The following SLC35F3 variants were observed in gnomAD, a reference collection of about 807,000 sequenced individuals.
The protein encoded by SLC35F3 is solute carrier family 35 member F3.
A neutral mutation model predicts 49.9 loss-of-function variants in SLC35F3; 25 were observed. That is an observed-to-expected ratio of 0.50 (90% CI 0.37 to 0.70). The LOEUF is 0.70. SLC35F3 is among the 30% of genes least tolerant of loss of function. The pLI, the probability that SLC35F3 is intolerant of heterozygous loss-of-function variation, is 0.00. For missense variants in SLC35F3, 525 were observed against 639.8 expected (o/e 0.82, Z 1.94); for synonymous variants, 275 against 265.4 (o/e 1.04, Z -0.35).
At chr1:234,110,438 T>C (rs1665389432) in intron 2 of SLC35F3, among the ~76,000 whole-genome samples, 1 of 152,184 alleles carries the variant, frequency 6.6e-6, no homozygotes, top group East Asian at 1.9e-4. Flanking sequence ...GCAGAGGCCA[T>C]TAAGATTTTG....
At chr1:234,299,804 CAA>C (rs36039526) in intron 3 of SLC35F3, among the ~76,000 whole-genome samples, 16 of 84,660 alleles carry the variant, frequency 1.9e-4, no homozygotes, top group African/African-American at 6.7e-4. Flanking sequence ...GACTCCATCT[CAA>C]AAAAAAAAAA....
At chr1:234,103,189 G>A (rs1317076730) in intron 2 of SLC35F3, among the ~76,000 whole-genome samples, 2 of 152,156 alleles carry the variant, frequency 1.3e-5, no homozygotes. Context: ...AGTGTGTTAA[G>A]GTGCAGCTGC....
intron 2 of SLC35F3, among the ~76,000 whole-genome samples, chr1:233,938,310 T>C (rs1662365303): frequency 6.6e-6 from 1 of 152,176 alleles, no homozygotes; most frequent in African/African-American, 2.4e-5. Flanking sequence ...GTCTTCATTG[T>C]ACTGGCTTAA....
At chr1:234,160,828 A>G (rs186126217) in intron 2 of SLC35F3, among the ~76,000 whole-genome samples, 9 of 152,354 alleles carry the variant, frequency 5.9e-5, no homozygotes, top group South Asian at 2.1e-4. Flanking sequence ...TGTACATGTC[A>G]TGCATATTGG....
intron 3 of SLC35F3, among the ~76,000 whole-genome samples, chr1:234,248,565 TTTTG>T (rs1667684491): frequency 1.3e-5 from 2 of 151,820 alleles, no homozygotes; most frequent in Non-Finnish European, 1.5e-5. Flanking sequence ...GCTGGTTCAT[TTTTG>T]GTTTCAGGGG....
rs529768590 is a variant in SLC35F3 at position 234,317,043 on chromosome 1, G to A, written c.954+316G>A. Among the ~76,000 whole-genome samples the A allele has an allele frequency of 3.9e-5, 6 of 152,274 alleles. No homozygotes were observed. The South Asian group carries it at 1.0e-3, about 26-fold the overall frequency. On this transcript the variant is annotated intron_variant, in intron 5 of 7. Transcript: ENST00000366618. ...GATTCCTGACATCATTGATGGCAGC[G>A]AACAAGTTCAGTGTTTGCTCAGATC... is the stretch of plus-strand genomic sequence containing the variant.
At chr1:234,241,891 C>T (rs921618785) in intron 3 of SLC35F3, among the ~76,000 whole-genome samples, 2 of 152,070 alleles carry the variant, frequency 1.3e-5, no homozygotes, top group Non-Finnish European at 2.9e-5. Flanking sequence ...AATGATTACC[C>T]GAGTGGTGAT....
chr1:234,159,194 C>T (rs1666193232), intron 2 of SLC35F3, among the ~76,000 whole-genome samples: 1 of 152,134 alleles, frequency 6.6e-6, no homozygotes, highest in Non-Finnish European at 1.5e-5. Flanking sequence ...GAGACCTAAA[C>T]CCACGCATGC....
At chr1:234,137,747 C>T (rs373334437) in intron 2 of SLC35F3, among the ~76,000 whole-genome samples, 3 of 152,294 alleles carry the variant, frequency 2.0e-5, no homozygotes, top group East Asian at 1.9e-4. Context: ...AAAGCAGGAG[C>T]ACATGTCGCA....
intron 2 of SLC35F3, among the ~76,000 whole-genome samples, chr1:233,976,133 T>C (rs1407948539): frequency 6.6e-6 from 1 of 152,176 alleles, no homozygotes; most frequent in Non-Finnish European, 1.5e-5. Context: ...AGGAGACAAA[T>C]TTTTAAGAAA....
chr1:234,209,518 G>T (rs1207871111), intron 2 of SLC35F3, among the ~76,000 whole-genome samples: 1 of 152,160 alleles, frequency 6.6e-6, no homozygotes, highest in East Asian at 1.9e-4. Flanking sequence ...AAAAAGAAGT[G>T]TTCACTTAAG....
intron 2 of SLC35F3, among the ~76,000 whole-genome samples, chr1:234,013,295 G>A (rs891136299): frequency 6.6e-5 from 10 of 152,028 alleles, no homozygotes; most frequent in African/African-American, 1.9e-4. Context: ...AATTAAAATA[G>A]CAAAAACAAC....
intron 2 of SLC35F3, among the ~76,000 whole-genome samples, chr1:234,106,182 A>G (rs529250528): frequency 2.0e-5 from 3 of 152,346 alleles, no homozygotes; most frequent in South Asian, 2.1e-4. Context: ...GTCTATGCCA[A>G]TGCTGGCAAT....
intron 2 of SLC35F3, among the ~76,000 whole-genome samples, chr1:234,223,036 C>T (rs1351129544): frequency 2.0e-5 from 3 of 152,146 alleles, no homozygotes; most frequent in Admixed American, 6.5e-5. Context: ...TAAAACATAG[C>T]GCTCTGCTTC....
At chr1:234,003,518 A>C (rs1297200515) in intron 2 of SLC35F3, among the ~76,000 whole-genome samples, 2 of 152,218 alleles carry the variant, frequency 1.3e-5, no homozygotes, top group African/African-American at 4.8e-5. Flanking sequence ...ATAAGTTAAA[A>C]TCCAAACATT....
intron 2 of SLC35F3, among the ~76,000 whole-genome samples, chr1:234,180,048 A>G (rs73108460): frequency 0.053 from 7,991 of 152,182 alleles, 679 homozygotes; most frequent in African/African-American, 0.18. Flanking sequence ...TGATTTCCAT[A>G]GACATTTTTT....
intron 2 of SLC35F3, among the ~76,000 whole-genome samples, chr1:234,056,466 T>C (rs1664458178): frequency 6.6e-6 from 1 of 152,174 alleles, no homozygotes; most frequent in Non-Finnish European, 1.5e-5. Context: ...CCACAGTCCA[T>C]TTTAGAACAC....
chr1:234,171,725 C>G (rs1666401973), intron 2 of SLC35F3, among the ~76,000 whole-genome samples: 1 of 152,056 alleles, frequency 6.6e-6, no homozygotes, highest in Non-Finnish European at 1.5e-5. Flanking sequence ...AAAATTACAG[C>G]TAGACAGGAA....
intron 3 of SLC35F3, among the ~76,000 whole-genome samples, chr1:234,263,189 C>G (rs934032067): frequency 1.3e-5 from 2 of 152,092 alleles, no homozygotes; most frequent in East Asian, 1.9e-4. Context: ...AAGGGAGAGA[C>G]TAACAGAAGC....
Sources: gnomAD v4.1 joint callset for allele counts (sites outside exome capture counted in the v4.1 genomes callset) on GRCh38, gnomAD v4.1.1 for gene constraint, MANE v1.5 for transcripts, NCBI Gene and HGNC (gene_info 2026-07-23, HGNC 2026-07-21) for gene names.